Variants in VTI1A observed in about 807,000 individuals in gnomAD.
The protein encoded by VTI1A is vesicle transport through interaction with t-SNAREs homolog 1A.
In VTI1A, 22 loss-of-function variants were observed where a neutral mutation model predicts 34.9. The ratio of observed to expected loss-of-function variants is 0.63; its 90% CI spans 0.45 to 0.90. The LOEUF (loss-of-function observed/expected upper bound fraction) is 0.90. Ranked by LOEUF, VTI1A falls within the 40% of genes least tolerant of loss-of-function variation. VTI1A has a pLI of 0.00. For synonymous variants in VTI1A, 87 were observed against 97.3 expected, an observed-to-expected ratio of 0.89 and a Z score of 0.62; for missense variants, 268 against 275.6, an observed-to-expected ratio of 0.97 and a Z score of 0.20.
intron 3 of VTI1A, among the ~76,000 whole-genome samples, chr10:112,466,865 T>C (rs1245230642): frequency 6.6e-6 from 1 of 152,172 alleles, no homozygotes; most frequent in Non-Finnish European, 1.5e-5. Flanking sequence ...TTGGCAGGTG[T>C]GGTTCCTTTT....
intron 5 of VTI1A, among the ~76,000 whole-genome samples, chr10:112,634,500 GACACACACACACATACACAC>G (rs1846265429): frequency 1.0e-5 from 1 of 96,860 alleles, no homozygotes; most frequent in Non-Finnish European, 2.1e-5. Flanking sequence ...CACACACACA[GACACACACACACATACACAC>G]ACACACACAC....
the VTI1A span, among the ~76,000 whole-genome samples, chr10:112,854,850 C>T: frequency 0.019 from 2,968 of 152,280 alleles, 120 homozygotes; most frequent in African/African-American, 0.068. Context: ...CCTGCACTCC[C>T]GTCTTCCTTC....
intron 3 of VTI1A, among the ~76,000 whole-genome samples, chr10:112,489,424 C>G (rs1848750004): frequency 6.6e-6 from 1 of 152,116 alleles, no homozygotes; most frequent in Non-Finnish European, 1.5e-5. Flanking sequence ...TACTGCCAAA[C>G]AGAATGTTTG....
At chr10:112,798,916 G>A (rs2134069280) in intron 7 of VTI1A, among the ~76,000 whole-genome samples, 1 of 152,260 alleles carries the variant, frequency 6.6e-6, no homozygotes, top group African/African-American at 2.4e-5. Flanking sequence ...CACCAGCTGG[G>A]CTTTTCCAGC....
At chr10:112,758,507 C>A (rs1391980275) in intron 7 of VTI1A, among the ~76,000 whole-genome samples, 1 of 152,164 alleles carries the variant, frequency 6.6e-6, no homozygotes, top group African/African-American at 2.4e-5. Context: ...TTTTTAAATG[C>A]ACCCCAAAGT....
intron 7 of VTI1A, among the ~76,000 whole-genome samples, chr10:112,760,375 G>GTCTC (rs71035399): frequency 4.6e-5 from 7 of 151,320 alleles, no homozygotes; most frequent in African/African-American, 7.3e-5. Flanking sequence ...GGTGAATATG[G>GTCTC]TCTCTCTCTC....
At chr10:112,743,590 G>A (rs1850774903) in intron 7 of VTI1A, among the ~76,000 whole-genome samples, 2 of 152,104 alleles carry the variant, frequency 1.3e-5, no homozygotes, top group Admixed American at 6.5e-5. Context: ...ACATATTCAT[G>A]AGCCAGGGGG....
intron 5 of VTI1A, among the ~76,000 whole-genome samples, chr10:112,617,738 TA>T (rs1045287616): frequency 1.3e-5 from 2 of 152,014 alleles, no homozygotes; most frequent in African/African-American, 4.8e-5. Context: ...AAAATAAGAC[TA>T]AAAACAAAAA....
chr10:112,776,542 C>G (rs933394908), intron 7 of VTI1A, among the ~76,000 whole-genome samples: 2 of 152,150 alleles, frequency 1.3e-5, no homozygotes, highest in African/African-American at 4.8e-5. Context: ...GGCCTCCCAT[C>G]TGTGTGAGGT....
intron 5 of VTI1A, among the ~76,000 whole-genome samples, chr10:112,592,269 TA>T (rs1206141685): frequency 1.3e-5 from 2 of 152,176 alleles, no homozygotes; most frequent in Non-Finnish European, 2.9e-5. Flanking sequence ...ACTTCTCACC[TA>T]AAGAACTGTG....
At chr10:112,828,076 A>G in the VTI1A span, among the ~76,000 whole-genome samples, 1 of 152,150 alleles carries the variant, frequency 6.6e-6, no homozygotes, top group Non-Finnish European at 1.5e-5. Flanking sequence ...CACTCCACCC[A>G]AGGACTGATA....
chr10:112,726,473 C>T (rs1037315188), intron 7 of VTI1A, among the ~76,000 whole-genome samples: 8 of 152,170 alleles, frequency 5.3e-5, no homozygotes, highest in Non-Finnish European at 1.2e-4. Context: ...ACCATGGAAA[C>T]AGGCAGTCCT....
At chr10:112,811,538 GC>G (rs1564934961) in intron 7 of VTI1A, among the ~76,000 whole-genome samples, 1 of 151,922 alleles carries the variant, frequency 6.6e-6, no homozygotes, top group African/African-American at 2.4e-5. Context: ...AAAAAAATTA[GC>G]CGGGCGTGGT....
intron 7 of VTI1A, among the ~76,000 whole-genome samples, chr10:112,732,644 C>T (rs958435594): frequency 2.6e-5 from 4 of 152,196 alleles, no homozygotes; most frequent in Non-Finnish European, 5.9e-5. Flanking sequence ...AAAGCAGGGA[C>T]TGTGGCTTTT....
At chr10:112,793,675 G>A (rs1225898598) in intron 7 of VTI1A, among the ~76,000 whole-genome samples, 2 of 152,206 alleles carry the variant, frequency 1.3e-5, no homozygotes, top group Admixed American at 6.5e-5. Context: ...TTCCTTGGTG[G>A]CACTGCTTGA....
chr10:112,521,559 T>TA (rs1371591934), intron 3 of VTI1A, among the ~76,000 whole-genome samples: 1 of 151,990 alleles, frequency 6.6e-6, no homozygotes, highest in Non-Finnish European at 1.5e-5. Context: ...CCCTAGGAAA[T>TA]AAATACTATA....
Position 112,584,647 on chromosome 10 carries a change from G to A in VTI1A, c.427+46317G>A, listed in dbSNP as rs550135671. ...GACCGACAACAAACTAAGCTTCTCA[G>A]ATCAGACATTGACTGCGTCTTATGG... On this transcript the variant is annotated intron_variant, in intron 5 of 7. Transcript: ENST00000393077. 1.1e-4 allele frequency among the ~76,000 whole-genome samples: 17 copies of A among 152,350 alleles called. No homozygotes were observed. The South Asian group carries it at 3.5e-3, about 32-fold the overall frequency.
At position 112,815,279 on chromosome 10, in the gene VTI1A, C is replaced by A; in HGVS notation, c.561-11C>A. The A allele has an allele frequency of 6.2e-7, 1 of 1,606,520 alleles. No individual in the cohort carries two copies. The highest frequency in any genetic ancestry group is 8.5e-7 in the Non-Finnish European group (1 of 1,176,204). ...ATCTGTGTGTGTTTTTTCTCCTTTGCTGTCTCCTAGAATCATCCAGAACCG... is the reference window on the plus strand; with the variant it reads ...ATCTGTGTGTGTTTTTTCTCCTTTGATGTCTCCTAGAATCATCCAGAACCG... On this transcript the variant is annotated splice_polypyrimidine_tract_variant and intron_variant, in intron 7 of 7. Coordinates refer to ENST00000393077, the MANE Select transcript of VTI1A (RefSeq NM_145206.4).
At chr10:112,739,940 A>G (rs551846293) in intron 7 of VTI1A, among the ~76,000 whole-genome samples, 1 of 152,160 alleles carries the variant, frequency 6.6e-6, no homozygotes, top group African/African-American at 2.4e-5. Context: ...AAAATTAATC[A>G]TTTTTTTTAA....
Sources: allele counts gnomAD v4.1 joint callset (sites outside exome capture counted in the v4.1 genomes callset), GRCh38; gene constraint gnomAD v4.1.1; transcripts MANE v1.5; gene names NCBI Gene and HGNC (gene_info 2026-07-23, HGNC 2026-07-21).